The following PPRC1 variants were observed in gnomAD, a reference collection of about 807,000 sequenced individuals.
PPRC1 encodes the protein PPARG related coactivator 1.
A neutral mutation model predicts 132.5 loss-of-function variants in PPRC1; 23 were observed. The observed-to-expected ratio is 0.17, with a 90% CI of 0.12 to 0.25. The LOEUF is 0.25. Among genes scored for constraint, PPRC1 ranks in the 10% least tolerant of loss-of-function variants. The pLI is 1.00. For synonymous variants in PPRC1, 872 were observed against 833.5 expected (o/e 1.05, Z -0.80); for missense variants, 2,006 against 2,089.1 (o/e 0.96, Z 0.78).
At position 102,146,677 on chromosome 10, in the gene PPRC1, A is replaced by G. The variant is rs1468947256; in HGVS notation, c.3685A>G (p.Thr1229Ala). The G allele has an allele frequency of 6.2e-7, 1 of 1,607,318 alleles. No homozygotes were observed. Among genetic ancestry groups the G allele is most frequent in the South Asian group, 1.1e-5 (1 of 90,534 alleles). Residue 1229 changes from threonine to alanine, a missense_variant, in exon 9 of 14, where the codon ACC becomes GCC. Physicochemically the swap from Thr to Ala is moderately conservative, Grantham distance 58. Around this residue, in one of 2 missense-constraint regions of PPRC1, gnomAD observed 1,914 missense variants for 1,917.2 expected, o/e 1.00. Coordinates refer to ENST00000278070, the MANE Select transcript of PPRC1 (RefSeq NM_015062.5). The part of the protein sequence containing the change: ...APELANVAGL[T>A]PPATPPHQLW... ...ATCCTCCCTCCCCACCACAGGGCTC[A>G]CCCCTCCAGCTACCCCTCCCCACCA... is the stretch of plus-strand genomic sequence containing the variant.
Position 102,147,303 on chromosome 10 carries a change from T to C in PPRC1, c.4311T>C (p.Thr1437=), listed in dbSNP as rs752519849. The part of the protein sequence containing the change: ...SRSVSSGSNR[T]SEASSSSSSS... ...CTGTCAGCTCTGGGTCCAACCGGAC[T>C]AGCGAAGCATCTTCCTCATCCTCAT... The change falls in exon 9 of 14, where the codon ACT becomes ACC. Residue 1437 remains threonine, a synonymous_variant. Coordinates refer to ENST00000278070, the MANE Select transcript of PPRC1 (RefSeq NM_015062.5). 58 of 1,612,748 alleles carry C rather than the reference T, an allele frequency of 3.6e-5. No individual in the cohort carries two copies. The highest frequency in any genetic ancestry group is 4.7e-5 in the Non-Finnish European group (56 of 1,180,024).
At chr10:102,127,020 CATATATATATATATATATATAT>C in the PPRC1 span, among the ~76,000 whole-genome samples, 45 of 87,952 alleles carry the variant, frequency 5.1e-4, 1 homozygote, top group Middle Eastern at 6.7e-3. Context: ...GGTTTTTTAT[CATATATATATATATATATATAT>C]ATATATATAT....
At chr10:102,123,009 G>A in the PPRC1 span, among the ~76,000 whole-genome samples, 5 of 152,150 alleles carry the variant, frequency 3.3e-5, no homozygotes, top group African/African-American at 1.2e-4. Context: ...TCACCTACTA[G>A]TTAATGCTTC....
rs1279234950 is a variant in PPRC1, at chr10:102,138,881, G to T, written c.492G>T (p.Leu164=). 5 of 1,613,848 alleles carry T rather than the reference G, an allele frequency of 3.1e-6. No individual in the cohort carries two copies. The highest frequency in any genetic ancestry group is 4.2e-6 in the Non-Finnish European group (5 of 1,179,898). Residue 164 remains leucine, a splice_region_variant and synonymous_variant, in exon 4 of 14, where the codon CTG becomes CTT. Transcript: ENST00000278070. Reference sequence around the variant, plus strand: ...TCAGGTCTTTCTTTCCCTCTTAGCTGCACAAGCTGCTTACTCTCTCTCGGA... The same window carrying T: ...TCAGGTCTTTCTTTCCCTCTTAGCTTCACAAGCTGCTTACTCTCTCTCGGA... The part of the protein sequence containing the change: ...LLVSPREGSS[L]HKLLTLSRTP...
the PPRC1 span, among the ~76,000 whole-genome samples, chr10:102,122,397 A>G: frequency 1.3e-5 from 2 of 151,328 alleles, no homozygotes; most frequent in East Asian, 1.9e-4. Context: ...AAACTAGACA[A>G]TGTACACCCA....
chr10:102,139,928 G>C lies in PPRC1; in HGVS notation c.1420G>C (p.Gly474Arg). The change falls in exon 5 of 14, where the codon GGC becomes CGC. Residue 474 changes from glycine (G) to arginine (R), a missense_variant. Physicochemically the swap from Gly to Arg is moderately radical, Grantham distance 125 (BLOSUM62 -2). This residue lies in a region of PPRC1 where 1,914 missense variants were observed against 1,917.2 expected (regional missense o/e 1.00). Transcript: ENST00000278070. ...GGAGCAGCCAGCAGCCTGTGTGGAA[G>C]GCTATGCCAGGAGGCTGAGGTCATC... ...SKEQPAACVE[G>R]YARRLRSSSR... 1 of 1,614,250 alleles carries C rather than the reference G, an allele frequency of 6.2e-7. No homozygotes were observed. Among genetic ancestry groups the C allele is most frequent in the South Asian group, 1.1e-5 (1 of 91,088 alleles).
the PPRC1 span, among the ~76,000 whole-genome samples, chr10:102,122,377 G>T: frequency 6.6e-6 from 1 of 151,904 alleles, no homozygotes; most frequent in African/African-American, 2.4e-5. Context: ...CCTATGGCTT[G>T]GTGAGTATCA....
At chr10:102,126,149 A>C in the PPRC1 span, among the ~76,000 whole-genome samples, 1 of 152,000 alleles carries the variant, frequency 6.6e-6, no homozygotes, top group Non-Finnish European at 1.5e-5. Flanking sequence ...GGCATGAGCC[A>C]CCGCGCCCGG....
At position 102,146,664 on chromosome 10, in the gene PPRC1, C is replaced by G; in HGVS notation, c.3680-8C>G. On this transcript the variant is annotated splice_polypyrimidine_tract_variant and splice_region_variant and intron_variant, in intron 8 of 13. Transcript: ENST00000278070. ...TCCTGCTATCTCCATCCTCCCTCCCCACCACAGGGCTCACCCCTCCAGCTA... is the reference window on the plus strand; with the variant it reads ...TCCTGCTATCTCCATCCTCCCTCCCGACCACAGGGCTCACCCCTCCAGCTA... 6.3e-7 allele frequency: 1 copy of G among 1,597,824 alleles called. No homozygotes were observed. Among genetic ancestry groups the G allele is most frequent in the Non-Finnish European group, 8.5e-7 (1 of 1,171,506 alleles).
At chr10:102,145,405 T>TA (rs766097166) in intron 8 of PPRC1, among the ~76,000 whole-genome samples, 9 of 151,120 alleles carry the variant, frequency 6.0e-5, no homozygotes, top group East Asian at 5.8e-4. Flanking sequence ...CTATCTCTAC[T>TA]AAAAAAAATA....
chr10:102,120,557 G>T, the PPRC1 span: 1 of 217,184 alleles, frequency 4.6e-6, no homozygotes, highest in Non-Finnish European at 7.9e-6. Context: ...GGAGAGCCGT[G>T]TCAAAGTGAC....
intron 1 of PPRC1, among the ~76,000 whole-genome samples, chr10:102,137,069 C>T (rs976685937): frequency 1.3e-4 from 20 of 152,184 alleles, no homozygotes; most frequent in Admixed American, 5.9e-4. Context: ...CCGGGCGTGG[C>T]GGCTCACGCC....
chr10:102,142,326 C>T (rs572019284), intron 5 of PPRC1, among the ~76,000 whole-genome samples: 1 of 147,442 alleles, frequency 6.8e-6, no homozygotes, highest in South Asian at 2.1e-4. Context: ...TGGTCTCAAT[C>T]TCCTGATCTC....
At position 102,141,386 on chromosome 10, in the gene PPRC1, A is replaced by C; in HGVS notation, c.2878A>C (p.Ser960Arg). 1 of 1,613,572 alleles carries C rather than the reference A, an allele frequency of 6.2e-7. No homozygotes were observed. The highest frequency in any genetic ancestry group is 8.5e-7 in the Non-Finnish European group (1 of 1,179,898). ...PGAYAVPPTC[S>R]VPWAPPPAPV... ...TGCCTATGCCGTGCCTCCCACTTGCAGTGTGCCTTGGGCACCCCCTCCTGC... is the reference window on the plus strand; with the variant it reads ...TGCCTATGCCGTGCCTCCCACTTGCCGTGTGCCTTGGGCACCCCCTCCTGC... The change falls in exon 5 of 14, where the codon AGT becomes CGT. Residue 960 changes from serine to arginine, a missense_variant. Around this residue, in one of 2 missense-constraint regions of PPRC1, gnomAD observed 1,914 missense variants for 1,917.2 expected, o/e 1.00. Coordinates refer to ENST00000278070, the MANE Select transcript of PPRC1 (RefSeq NM_015062.5).
upstream of PPRC1, among the ~76,000 whole-genome samples, chr10:102,128,140 T>C (rs1479818661): frequency 6.6e-6 from 1 of 151,540 alleles, no homozygotes; most frequent in East Asian, 1.9e-4. Context: ...CAGAAGCTGC[T>C]GCTGCTTTTT....
chr10:102,140,182 C>T lies in PPRC1; in HGVS notation c.1674C>T (p.Tyr558=), dbSNP rs192837865. The change falls in exon 5 of 14, where the codon TAC becomes TAT. Residue 558 remains tyrosine (Y), a synonymous_variant. Coordinates refer to ENST00000278070, the MANE Select transcript of PPRC1 (RefSeq NM_015062.5). The stretch of plus-strand genomic sequence containing the variant: ...CTAAAGAAGGCCCTCTAGACCTCTA[C>T]CCAAAGCTGGCTGACACTATCCAAA... ...SPAKEGPLDL[Y]PKLADTIQTN... 1.9e-6 allele frequency: 3 copies of T among 1,614,222 alleles called. No individual in the cohort carries two copies. The highest frequency in any genetic ancestry group is 1.7e-5 in the Admixed American group (1 of 60,034).
chr10:102,139,687 A>G lies in PPRC1; in HGVS notation c.1179A>G (p.Thr393=). Residue 393 remains threonine, a synonymous_variant, in exon 5 of 14, where the codon ACA becomes ACG. Coordinates refer to ENST00000278070, the MANE Select transcript of PPRC1 (RefSeq NM_015062.5). ...CTGCCTTGCAGCTGCTTATGCCTACACTGGAGTCAGAGACAGAGGCTGCTG... is the reference window on the plus strand; with the variant it reads ...CTGCCTTGCAGCTGCTTATGCCTACGCTGGAGTCAGAGACAGAGGCTGCTG... ...TSSALQLLMP[T]LESETEAAVP... 1 of 1,614,050 alleles carries G rather than the reference A, an allele frequency of 6.2e-7. No homozygotes were observed. The highest frequency in any genetic ancestry group is 1.3e-5 in the African/African-American group (1 of 75,054).
chr10:102,145,591 G>A (rs570973394), intron 8 of PPRC1, among the ~76,000 whole-genome samples: 80 of 149,674 alleles, frequency 5.3e-4, no homozygotes, highest in African/African-American at 1.7e-3. Context: ...AATGTCGGGC[G>A]CGGTGGCCCA....
chr10:102,143,307 A>G (rs2069077585), intron 6 of PPRC1, among the ~76,000 whole-genome samples: 1 of 152,242 alleles, frequency 6.6e-6, no homozygotes, highest in East Asian at 1.9e-4. Flanking sequence ...TAAAGAGTAG[A>G]CTGGGAATCC....
Sources: allele counts gnomAD v4.1 joint callset (sites outside exome capture counted in the v4.1 genomes callset), GRCh38; gene constraint gnomAD v4.1.1; regional missense constraint gnomAD v4.1.1; transcripts MANE v1.5; gene names NCBI Gene and HGNC (gene_info 2026-07-23, HGNC 2026-07-21).